The following HCN1 variants were observed in gnomAD, a reference collection of about 807,000 sequenced individuals.
HCN1 encodes the protein potassium/sodium hyperpolarization-activated cyclic nucleotide-gated channel 1.
In HCN1, 13 loss-of-function variants were observed where a neutral mutation model predicts 78.9. The observed-to-expected ratio is 0.16, with a 90% CI of 0.11 to 0.26. HCN1 has a LOEUF of 0.26. Among genes scored for constraint, HCN1 ranks in the 10% least tolerant of loss-of-function variants. The pLI, the probability that HCN1 is intolerant of heterozygous loss-of-function variation, is 1.00. For synonymous variants in HCN1, 552 were observed against 455.5 expected, an observed-to-expected ratio of 1.21 and a Z score of -2.70; for missense variants, 810 against 1,154.3, an observed-to-expected ratio of 0.70 and a Z score of 4.32.
rs192368015 is a variant in HCN1, at chr5:45,487,018, G to A, written c.850-25011C>T. Among the ~76,000 whole-genome samples the A allele has an allele frequency of 8.9e-4, 135 of 152,088 alleles. 1 individual carries two copies. The highest frequency in any genetic ancestry group is 2.8e-3 in the African/African-American group (118 of 41,518). On this transcript the variant is annotated intron_variant, in intron 2 of 7. Coordinates refer to ENST00000303230, the MANE Select transcript of HCN1 (RefSeq NM_021072.4). Reference sequence around the variant, plus strand: ...TTCTATGTTTCCATTGGTGTTTCCTGTAAGTCGTCAGATGTTTTACATCCT... The same window carrying A: ...TTCTATGTTTCCATTGGTGTTTCCTATAAGTCGTCAGATGTTTTACATCCT...
chr5:45,633,913 C>T (rs1004783639), intron 2 of HCN1, among the ~76,000 whole-genome samples: 3 of 151,850 alleles, frequency 2.0e-5, no homozygotes, highest in Admixed American at 6.6e-5. Flanking sequence ...CATAAGCTTA[C>T]CTACTTTCAA....
At chr5:45,373,985 A>G (rs1472589207) in intron 4 of HCN1, among the ~76,000 whole-genome samples, 1 of 112,608 alleles carries the variant, frequency 8.9e-6, no homozygotes, top group Non-Finnish European at 1.6e-5. Flanking sequence ...TAGATACATA[A>G]TATATATAAT....
intron 2 of HCN1, among the ~76,000 whole-genome samples, chr5:45,583,855 T>C (rs1744141011): frequency 1.3e-5 from 2 of 152,214 alleles, no homozygotes; most frequent in South Asian, 2.1e-4. Context: ...TTCTTAATCC[T>C]GAGTTCTAGT....
At chr5:45,440,895 C>T (rs1414716774) in intron 3 of HCN1, among the ~76,000 whole-genome samples, 1 of 152,170 alleles carries the variant, frequency 6.6e-6, no homozygotes, top group African/African-American at 2.4e-5. Flanking sequence ...CTATGGTTTA[C>T]AAGACCCATT....
intron 1 of HCN1, 127 bp downstream of exon 1, chr5:45,695,542 G>C: frequency 1.1e-6 from 1 of 933,208 alleles, no homozygotes; most frequent in Non-Finnish European, 1.6e-6. Flanking sequence ...AGCCCGAGCC[G>C]ACGCCGCCGG....
At chr5:45,564,137 C>T (rs1483691858) in intron 2 of HCN1, among the ~76,000 whole-genome samples, 6 of 152,176 alleles carry the variant, frequency 3.9e-5, no homozygotes, top group African/African-American at 9.7e-5. Flanking sequence ...GAGTTAATCT[C>T]ACTTCATTCT....
intron 5 of HCN1, among the ~76,000 whole-genome samples, chr5:45,336,377 C>T (rs1196415821): frequency 6.6e-6 from 1 of 151,920 alleles, no homozygotes; most frequent in Non-Finnish European, 1.5e-5. Flanking sequence ...ACTATCTGAC[C>T]CAAGTATTTT....
chr5:45,461,782 A>G, intron 3 of HCN1, 64 bp downstream of exon 3: 2 of 1,355,760 alleles, frequency 1.5e-6, no homozygotes, highest in Non-Finnish European at 2.1e-6. Context: ...TTGTAACATA[A>G]TTACTTAAAA....
chr5:45,632,287 GT>G (rs1331845545), intron 2 of HCN1, among the ~76,000 whole-genome samples: 2 of 151,862 alleles, frequency 1.3e-5, no homozygotes, highest in Admixed American at 6.6e-5. Flanking sequence ...CATTGTGTGT[GT>G]GTGTGTGTGT....
intron 4 of HCN1, among the ~76,000 whole-genome samples, chr5:45,374,223 T>TA (rs1747540315): frequency 3.3e-5 from 4 of 119,408 alleles, no homozygotes; most frequent in South Asian, 2.6e-4. Flanking sequence ...ATTATGTACA[T>TA]TATATACATA....
intron 6 of HCN1, among the ~76,000 whole-genome samples, chr5:45,280,085 A>C (rs2111866532): frequency 6.6e-6 from 1 of 152,278 alleles, no homozygotes; most frequent in South Asian, 2.1e-4. Context: ...TATTTCAAGA[A>C]AGGATACTAG....
At chr5:45,358,345 GA>G (rs1747044519) in intron 4 of HCN1, among the ~76,000 whole-genome samples, 1 of 152,020 alleles carries the variant, frequency 6.6e-6, no homozygotes. Flanking sequence ...TTATATCCAT[GA>G]AATGATACCC....
intron 2 of HCN1, among the ~76,000 whole-genome samples, chr5:45,495,547 G>T (rs1296319680): frequency 6.6e-6 from 1 of 152,112 alleles, no homozygotes; most frequent in African/African-American, 2.4e-5. Flanking sequence ...CGTCTGCAAA[G>T]AGGGACAATT....
chr5:45,489,886 C>A (rs1285436771), intron 2 of HCN1, among the ~76,000 whole-genome samples: 1 of 152,130 alleles, frequency 6.6e-6, no homozygotes, highest in Non-Finnish European at 1.5e-5. Flanking sequence ...CTGGGGCTGA[C>A]AATTAGGGAT....
chr5:45,357,650 T>G (rs1050559434), intron 4 of HCN1, among the ~76,000 whole-genome samples: 2 of 152,086 alleles, frequency 1.3e-5, no homozygotes, highest in African/African-American at 2.4e-5. Flanking sequence ...AAAATTACCC[T>G]CTAGATTTAG....
intron 2 of HCN1, among the ~76,000 whole-genome samples, chr5:45,508,794 G>T (rs2111750952): frequency 6.6e-6 from 1 of 152,230 alleles, no homozygotes; most frequent in East Asian, 1.9e-4. Flanking sequence ...AGGCTATATT[G>T]TATTATTTAG....
chr5:45,343,629 T>C (rs1481050618), intron 5 of HCN1, among the ~76,000 whole-genome samples: 2 of 152,052 alleles, frequency 1.3e-5, no homozygotes, highest in Non-Finnish European at 2.9e-5. Context: ...GATAAAATGG[T>C]TTAATGATGG....
Position 45,359,416 on chromosome 5 carries a change from A to AAAATAT in HCN1, c.1231-6171_1231-6170insATATTT, listed in dbSNP as rs1554020375. Among the ~76,000 whole-genome samples the AAAATAT allele has an allele frequency of 3.5e-5, 5 of 142,562 alleles. No individual in the cohort carries two copies. In the East Asian group the frequency reaches 6.1e-4, roughly 17 times the overall value. The allele number at this position is 142,562 out of a possible 152,430, so 93.5% of individuals were successfully genotyped here. A position where few individuals can be genotyped will look rare whatever the true frequency, so the allele number is the denominator to read the frequency against. ...TTTCAGGAAGCATCAAAAAAAAAAA[A>AAAATAT]ATATATATATATATATATCACCTGA... On this transcript the variant is annotated intron_variant, in intron 4 of 7. Transcript: ENST00000303230.
intron 2 of HCN1, among the ~76,000 whole-genome samples, chr5:45,574,372 T>C (rs1017182683): frequency 1.3e-5 from 2 of 152,078 alleles, no homozygotes; most frequent in African/African-American, 4.8e-5. Context: ...ATCAGTGATC[T>C]TTGATGTTTC....
Sources: allele counts gnomAD v4.1 joint callset (sites outside exome capture counted in the v4.1 genomes callset), GRCh38; gene constraint gnomAD v4.1.1; transcripts MANE v1.5; gene names NCBI Gene and HGNC (gene_info 2026-07-23, HGNC 2026-07-21).